The following DKK2 variants were observed in gnomAD, a reference collection of about 807,000 sequenced individuals.
The protein encoded by DKK2 is dickkopf-related protein 2.
Under a neutral mutation model 28.1 loss-of-function variants are expected in DKK2, and 11 were observed. The ratio of observed to expected loss-of-function variants is 0.39; its 90% confidence interval spans 0.25 to 0.65. The LOEUF is 0.65. Ranked by LOEUF, DKK2 falls within the 30% of genes least tolerant of loss-of-function variation. The pLI, the probability that DKK2 is intolerant of heterozygous loss-of-function variation, is 0.47. For missense variants in DKK2, 326 were observed against 335.5 expected, an observed-to-expected ratio of 0.97 and a Z score of 0.22; for synonymous variants, 135 against 126.5, an observed-to-expected ratio of 1.07 and a Z score of -0.45.
At chr4:107,028,527 T>G (rs898887491) in intron 1 of DKK2, among the ~76,000 whole-genome samples, 1 of 152,186 alleles carries the variant, frequency 6.6e-6, no homozygotes, top group Non-Finnish European at 1.5e-5. Context: ...CTTACGTTAT[T>G]GTTGTTATTG....
At chr4:106,924,495 T>C in intron 3 of DKK2, 50 bp downstream of exon 3, 1 of 1,567,472 alleles carries the variant, frequency 6.4e-7, no homozygotes, top group South Asian at 1.2e-5. Flanking sequence ...TCTATATTTT[T>C]CTTCTATTTC....
At chr4:107,001,091 A>G (rs975210018) in intron 1 of DKK2, among the ~76,000 whole-genome samples, 4 of 151,962 alleles carry the variant, frequency 2.6e-5, no homozygotes, top group African/African-American at 9.7e-5. Flanking sequence ...CAAAAGGGGG[A>G]AAAAACTCTA....
At chr4:106,962,521 GT>G (rs1722706617) in intron 1 of DKK2, among the ~76,000 whole-genome samples, 2 of 126,698 alleles carry the variant, frequency 1.6e-5, no homozygotes, top group Non-Finnish European at 3.3e-5. Context: ...GTGTGTGTGT[GT>G]GTGTGTGTGT....
chr4:107,035,429 C>A lies in DKK2; in HGVS notation c.163G>T (p.Ala55Ser). The A allele has an allele frequency of 6.2e-7, 1 of 1,614,250 alleles. No individual in the cohort carries two copies. The change falls in exon 1 of 4, where the codon GCG becomes TCG. Residue 55 changes from alanine (A) to serine (S), a missense_variant. Coordinates refer to ENST00000285311, the MANE Select transcript of DKK2 (RefSeq NM_014421.3). ...AATGCCAGTCCTTGGTACATGCCCGCAGATCGATTGGCGGCCTGACCAGGC... is the reference window on the plus strand; with the variant it reads ...AATGCCAGTCCTTGGTACATGCCCGAAGATCGATTGGCGGCCTGACCAGGC... ...ETPGQAANRSAGMYQGLAFGG... is the reference protein window; with the variant it reads ...ETPGQAANRSSGMYQGLAFGG...
intron 1 of DKK2, among the ~76,000 whole-genome samples, chr4:107,026,760 T>C (rs1341998138): frequency 1.3e-5 from 2 of 152,146 alleles, no homozygotes; most frequent in African/African-American, 4.8e-5. Context: ...AAATATGAGG[T>C]TAACAGTAAA....
intron 1 of DKK2, among the ~76,000 whole-genome samples, chr4:107,000,972 GA>G (rs1020692391): frequency 6.6e-6 from 1 of 151,078 alleles, no homozygotes; most frequent in African/African-American, 2.4e-5. Context: ...TCCTGGGAGG[GA>G]AAAACTAAGG....
intron 1 of DKK2, among the ~76,000 whole-genome samples, chr4:106,935,263 G>C (rs893757590): frequency 6.6e-6 from 1 of 152,174 alleles, no homozygotes; most frequent in African/African-American, 2.4e-5. Context: ...TGCGCGCACC[G>C]TGTGCGAGCC....
chr4:106,957,185 A>C, intron 1 of DKK2, among the ~76,000 whole-genome samples: 1 of 152,090 alleles, frequency 6.6e-6, no homozygotes, highest in Non-Finnish European at 1.5e-5. Flanking sequence ...GAGAAATGCA[A>C]ATCAAAACCA....
chr4:107,009,763 G>A (rs1233541371), intron 1 of DKK2, among the ~76,000 whole-genome samples: 2 of 151,772 alleles, frequency 1.3e-5, no homozygotes, highest in Admixed American at 6.6e-5. Flanking sequence ...CACAGCATTG[G>A]AAGGGACATT....
chr4:107,018,789 A>C (rs1259263952), intron 1 of DKK2, among the ~76,000 whole-genome samples: 2 of 152,052 alleles, frequency 1.3e-5, no homozygotes, highest in Non-Finnish European at 2.9e-5. Context: ...TACGAACTCT[A>C]TTGAATAATT....
intron 1 of DKK2, among the ~76,000 whole-genome samples, chr4:106,987,027 A>G (rs910616755): frequency 1.3e-5 from 2 of 152,248 alleles, no homozygotes; most frequent in Admixed American, 6.5e-5. Context: ...TATGTTTGAA[A>G]TAGCAAAGGC....
intron 1 of DKK2, among the ~76,000 whole-genome samples, chr4:107,001,188 T>C (rs917031788): frequency 6.6e-6 from 1 of 152,118 alleles, no homozygotes; most frequent in Non-Finnish European, 1.5e-5. Flanking sequence ...CTGTACAACA[T>C]ACAAAGCCAA....
At chr4:107,021,513 T>C (rs1006074214) in intron 1 of DKK2, among the ~76,000 whole-genome samples, 5 of 152,118 alleles carry the variant, frequency 3.3e-5, no homozygotes, top group Non-Finnish European at 7.4e-5. Context: ...TAGTTTGATA[T>C]ATTTCAGCAC....
rs1195861415 is a variant in DKK2 at position 106,923,206 on chromosome 4, C to T, written c.*748G>A. The T allele has an allele frequency of 2.6e-5, 4 of 151,906 alleles. No homozygotes were observed. Among genetic ancestry groups the T allele is most frequent in the East Asian group, 1.9e-4 (1 of 5,172 alleles). The allele number at this position is 151,906 out of a possible 1,614,324, so 9.4% of individuals were successfully genotyped here. ...GATAAAGAGAGATATACTGTCATTC[C>T]GTAGAATCTGAAGGAACTGTTTTTG... On this transcript the variant is annotated 3_prime_UTR_variant, in exon 4 of 4. Coordinates refer to ENST00000285311, the MANE Select transcript of DKK2 (RefSeq NM_014421.3).
chr4:107,019,300 TTC>T (rs1322819249), intron 1 of DKK2, among the ~76,000 whole-genome samples: 1 of 152,028 alleles, frequency 6.6e-6, no homozygotes, highest in African/African-American at 2.4e-5. Flanking sequence ...AATCAAATAA[TTC>T]TGAGTTTGAA....
intron 1 of DKK2, among the ~76,000 whole-genome samples, chr4:106,946,505 C>T (rs1264245760): frequency 6.6e-6 from 1 of 151,956 alleles, no homozygotes; most frequent in African/African-American, 2.4e-5. Flanking sequence ...TTATCTCTGA[C>T]ATTTCCACTT....
At chr4:106,933,819 T>C (rs776886258) in intron 1 of DKK2, among the ~76,000 whole-genome samples, 6 of 152,178 alleles carry the variant, frequency 3.9e-5, no homozygotes, top group Non-Finnish European at 7.3e-5. Context: ...TAGAAAATAC[T>C]TTTTTATGAT....
At chr4:106,982,446 A>C (rs2110358510) in intron 1 of DKK2, among the ~76,000 whole-genome samples, 1 of 152,280 alleles carries the variant, frequency 6.6e-6, no homozygotes, top group Non-Finnish European at 1.5e-5. Context: ...ACTCTGGTGA[A>C]TCCGGGCTGC....
intron 1 of DKK2, among the ~76,000 whole-genome samples, chr4:107,012,617 G>T (rs1723532530): frequency 6.6e-6 from 1 of 151,196 alleles, no homozygotes; most frequent in Admixed American, 6.6e-5. Flanking sequence ...CCAGAAGGTG[G>T]GGAAGTGTGA....
Sources: gnomAD v4.1 joint callset for allele counts (sites outside exome capture counted in the v4.1 genomes callset) on GRCh38, gnomAD v4.1.1 for gene constraint, MANE v1.5 for transcripts, NCBI Gene and HGNC (gene_info 2026-07-23, HGNC 2026-07-21) for gene names.